Variants in SLC35F3 observed in about 807,000 individuals in gnomAD.
The protein encoded by SLC35F3 is putative thiamine transporter SLC35F3.
In SLC35F3, 25 loss-of-function variants were observed where a neutral mutation model predicts 49.9. The observed-to-expected ratio is 0.50, with a 90% CI of 0.37 to 0.70. The LOEUF (loss-of-function observed/expected upper bound fraction) is 0.70. Ranked by LOEUF, SLC35F3 falls within the 30% of genes least tolerant of loss-of-function variation. The probability of loss-of-function intolerance (pLI) is 0.00; values close to 1 mark genes in which losing one functional copy is unlikely to be tolerated. For missense variants in SLC35F3, 525 were observed against 639.8 expected (o/e 0.82, Z 1.94); for synonymous variants, 275 against 265.4 (o/e 1.04, Z -0.35).
intron 2 of SLC35F3, among the ~76,000 whole-genome samples, chr1:234,115,644 C>G (rs145816177): frequency 1.3e-5 from 2 of 152,314 alleles, no homozygotes; most frequent in East Asian, 3.8e-4. Flanking sequence ...AAAAGAATTT[C>G]CATATCCACT....
At chr1:234,259,473 C>T (rs1159982514) in intron 3 of SLC35F3, among the ~76,000 whole-genome samples, 1 of 152,038 alleles carries the variant, frequency 6.6e-6, no homozygotes, top group African/African-American at 2.4e-5. Context: ...CCTGAGGGGT[C>T]CTCCAGTTCC....
intron 2 of SLC35F3, among the ~76,000 whole-genome samples, chr1:234,035,853 C>G (rs2102850556): frequency 6.6e-6 from 1 of 152,284 alleles, no homozygotes; most frequent in African/African-American, 2.4e-5. Context: ...ATCTTTTGGA[C>G]TTTATTCTCC....
chr1:233,959,606 A>G (rs1662760789), intron 2 of SLC35F3, among the ~76,000 whole-genome samples: 1 of 152,216 alleles, frequency 6.6e-6, no homozygotes, highest in Non-Finnish European at 1.5e-5. Context: ...AGGTTTTAAG[A>G]CTAAATGGGT....
intron 2 of SLC35F3, among the ~76,000 whole-genome samples, chr1:234,206,933 G>A (rs1666979539): frequency 6.6e-6 from 1 of 152,002 alleles, no homozygotes; most frequent in South Asian, 2.1e-4. Flanking sequence ...AAATCCGGAC[G>A]TCTTCCTCCG....
In SLC35F3 at chr1:234,320,298, A is replaced by G; in HGVS notation, c.1237+111A>G. 1 of 749,234 alleles carries G rather than the reference A, an allele frequency of 1.3e-6. No homozygotes were observed. The highest frequency in any genetic ancestry group is 2.4e-6 in the Non-Finnish European group (1 of 417,842). The allele number at this position is 749,234 out of a possible 1,614,324, so 46.4% of individuals were successfully genotyped here. ...CATACACACTCACACATACACTCAC[A>G]TACACACACTCATGCATACACACAC... On this transcript the variant is annotated intron_variant, in intron 7 of 7. Coordinates refer to ENST00000366618, the MANE Select transcript of SLC35F3 (RefSeq NM_173508.4). The surrounding 1 kb of genome is among the most constrained non-coding windows in gnomAD (Gnocchi z 4.8).
chr1:234,015,740 C>G (rs1465761727), intron 2 of SLC35F3, among the ~76,000 whole-genome samples: 1 of 152,142 alleles, frequency 6.6e-6, no homozygotes, highest in Non-Finnish European at 1.5e-5. Context: ...CTACATTGCT[C>G]TGGGCAATGA....
chr1:233,986,284 A>G (rs961267012), intron 2 of SLC35F3, among the ~76,000 whole-genome samples: 3 of 152,156 alleles, frequency 2.0e-5, no homozygotes, highest in African/African-American at 7.2e-5. Flanking sequence ...TGAGGATTTT[A>G]GGTTTTACCC....
At chr1:234,106,423 A>G (rs1212138336) in intron 2 of SLC35F3, among the ~76,000 whole-genome samples, 1 of 152,344 alleles carries the variant, frequency 6.6e-6, no homozygotes, top group African/African-American at 2.4e-5. Context: ...TTATGTCTTC[A>G]CAATTCTGGA....
intron 2 of SLC35F3, among the ~76,000 whole-genome samples, chr1:233,963,570 G>A (rs1490750905): frequency 6.6e-6 from 1 of 151,856 alleles, no homozygotes; most frequent in Non-Finnish European, 1.5e-5. Flanking sequence ...CAAAGTGCTG[G>A]GATTACAGGC....
At chr1:234,216,079 T>A (rs577417671) in intron 2 of SLC35F3, among the ~76,000 whole-genome samples, 2 of 152,280 alleles carry the variant, frequency 1.3e-5, no homozygotes, top group East Asian at 3.9e-4. Context: ...TACACCTGAG[T>A]TTAGTGCAAG....
intron 2 of SLC35F3, among the ~76,000 whole-genome samples, chr1:234,095,716 A>C (rs1165686957): frequency 6.6e-6 from 1 of 152,194 alleles, no homozygotes; most frequent in Non-Finnish European, 1.5e-5. Flanking sequence ...CTTGGGGTCT[A>C]ATCATAGTTC....
intron 2 of SLC35F3, among the ~76,000 whole-genome samples, chr1:233,988,484 A>G (rs1663301610): frequency 6.6e-6 from 1 of 152,130 alleles, no homozygotes. Context: ...TGTCAACCCC[A>G]CCTGTGCCTT....
intron 2 of SLC35F3, among the ~76,000 whole-genome samples, chr1:234,079,035 A>G (rs1213846191): frequency 6.6e-6 from 1 of 152,248 alleles, no homozygotes; most frequent in African/African-American, 2.4e-5. Context: ...TTGAGAAAGA[A>G]CAAAGTTGGA....
intron 3 of SLC35F3, among the ~76,000 whole-genome samples, chr1:234,278,144 G>A (rs1053624574): frequency 4.6e-5 from 7 of 151,874 alleles, no homozygotes; most frequent in East Asian, 3.9e-4. Flanking sequence ...AGTGAGCCAC[G>A]ATCACGCCAC....
At chr1:234,299,382 A>G (rs770089492) in intron 3 of SLC35F3, among the ~76,000 whole-genome samples, 3 of 152,218 alleles carry the variant, frequency 2.0e-5, no homozygotes, top group Admixed American at 6.5e-5. Flanking sequence ...TAAAGGGGGA[A>G]AAACAGAAAT....
intron 3 of SLC35F3, among the ~76,000 whole-genome samples, chr1:234,272,116 A>G (rs1668117438): frequency 6.6e-6 from 1 of 152,142 alleles, no homozygotes; most frequent in Non-Finnish European, 1.5e-5. Flanking sequence ...ACAGAGCGAG[A>G]CTCTGTCTCA....
chr1:234,299,993 A>T (rs925487628), intron 3 of SLC35F3, among the ~76,000 whole-genome samples: 5 of 151,866 alleles, frequency 3.3e-5, no homozygotes, highest in Admixed American at 2.0e-4. Flanking sequence ...GGAAATTTTT[A>T]AAAAATACAA....
chr1:234,300,712 G>A (rs1668679578), intron 3 of SLC35F3, among the ~76,000 whole-genome samples: 1 of 152,184 alleles, frequency 6.6e-6, no homozygotes, highest in African/African-American at 2.4e-5. Flanking sequence ...CCCAATTGAT[G>A]GAAATTAACC....
intron 2 of SLC35F3, among the ~76,000 whole-genome samples, chr1:233,970,194 C>T (rs1558193024): frequency 6.6e-6 from 1 of 152,188 alleles, no homozygotes; most frequent in Non-Finnish European, 1.5e-5. Flanking sequence ...ATTGTGTCTC[C>T]TCCTGTCTGC....
Sources: allele counts gnomAD v4.1 joint callset (sites outside exome capture counted in the v4.1 genomes callset), GRCh38; gene constraint gnomAD v4.1.1; non-coding constraint Gnocchi (gnomAD v3.1); transcripts MANE v1.5; gene names NCBI Gene and HGNC (gene_info 2026-07-23, HGNC 2026-07-21).